PPARGC1B: variants seen among roughly 807,000 people sequenced by gnomAD.
The protein encoded by PPARGC1B is peroxisome proliferator-activated receptor gamma coactivator 1-beta.
PPARGC1B carries 34 observed loss-of-function variants against 101.6 expected under a neutral mutation model. The ratio of observed to expected loss-of-function variants is 0.33; its 90% CI spans 0.25 to 0.45. The LOEUF is 0.45. Ranked by LOEUF, PPARGC1B falls within the 20% of genes least tolerant of loss-of-function variation. The pLI is 1.00. For missense variants in PPARGC1B, 1,234 were observed against 1,317.6 expected (o/e 0.94, Z 0.98); for synonymous variants, 548 against 539.3 (o/e 1.02, Z -0.22).
At position 149,833,828 on chromosome 5, in the gene PPARGC1B, A is replaced by G. The variant is rs969709827; in HGVS notation, c.1705+50A>G. On this transcript the variant is annotated intron_variant, in intron 5 of 11. Coordinates refer to ENST00000309241, the MANE Select transcript of PPARGC1B (RefSeq NM_133263.4). The surrounding 1 kb of genome is among the most constrained non-coding windows in gnomAD (Gnocchi z 4.1). ...AGTGGGGGCAGGGATGGGGTGCAGCATGCCCCTCTGCACTGGGAGCCAGGA... is the reference window on the plus strand; with the variant it reads ...AGTGGGGGCAGGGATGGGGTGCAGCGTGCCCCTCTGCACTGGGAGCCAGGA... The G allele has an allele frequency of 7.6e-6, 11 of 1,443,278 alleles. No individual in the cohort carries two copies. Among genetic ancestry groups the G allele is most frequent in the Non-Finnish European group, 9.1e-6 (10 of 1,102,450 alleles). The allele number at this position is 1,443,278 out of a possible 1,614,324, so 89.4% of individuals were successfully genotyped here.
intron 1 of PPARGC1B, among the ~76,000 whole-genome samples, chr5:149,788,469 CTGT>C (rs1756891336): frequency 2.6e-5 from 4 of 152,216 alleles, no homozygotes; most frequent in Non-Finnish European, 5.9e-5. Flanking sequence ...CACTTTTACA[CTGT>C]TGGTGGGACT....
At chr5:149,840,944 A>G (rs1759310522) in intron 9 of PPARGC1B, among the ~76,000 whole-genome samples, 1 of 152,146 alleles carries the variant, frequency 6.6e-6, no homozygotes, top group African/African-American at 2.4e-5. Context: ...TGGACTGTGC[A>G]TGGAGCATCT....
intron 1 of PPARGC1B, among the ~76,000 whole-genome samples, chr5:149,791,489 A>G (rs954840270): frequency 5.3e-5 from 8 of 151,856 alleles, no homozygotes; most frequent in African/African-American, 1.9e-4. Flanking sequence ...TGAGCTCCCC[A>G]TCCCTGCAGG....
Position 149,840,088 on chromosome 5 carries a change from A to C in PPARGC1B, c.2666A>C (p.His889Pro). 1.2e-6 allele frequency: 2 copies of C among 1,613,982 alleles called. No individual in the cohort carries two copies. The highest frequency in any genetic ancestry group is 1.7e-6 in the Non-Finnish European group (2 of 1,179,928). ...TCAGACAGAACGCCAAGCATCCGGC[A>C]CGCCAGGAAGCGGCGGGAAAAGGCC... ...PCSDRTPSIRHARKRREKAIG... is the reference protein window; with the variant it reads ...PCSDRTPSIRPARKRREKAIG... Residue 889 changes from histidine to proline, a missense_variant, in exon 9 of 12, where the codon CAC (histidine) becomes CCC (proline). By Grantham distance (77) the His-to-Pro change is moderately conservative. Transcript: ENST00000309241.
chr5:149,743,592 A>G (rs1038071), intron 1 of PPARGC1B, among the ~76,000 whole-genome samples: 19,752 of 152,178 alleles, frequency 0.13, 1,478 homozygotes, highest in East Asian at 0.25. Context: ...GGATGACTGA[A>G]TGATGAACAA....
chr5:149,804,350 G>A (rs2113300378), intron 1 of PPARGC1B, among the ~76,000 whole-genome samples: 1 of 152,324 alleles, frequency 6.6e-6, no homozygotes, highest in Non-Finnish European at 1.5e-5. Context: ...AGAGGAGACG[G>A]ATGGTCCCTG....
At chr5:149,764,633 C>G (rs947280759) in intron 1 of PPARGC1B, among the ~76,000 whole-genome samples, 58 of 152,154 alleles carry the variant, frequency 3.8e-4, no homozygotes, top group African/African-American at 1.4e-3. Context: ...TGAGTTAACT[C>G]GGAGTCTTTT....
chr5:149,817,290 T>G (rs1758095082), intron 1 of PPARGC1B, among the ~76,000 whole-genome samples: 1 of 151,906 alleles, frequency 6.6e-6, no homozygotes. Flanking sequence ...CTGGGCAACA[T>G]AGAGAGACCC....
Position 149,840,074 on chromosome 5 carries a change from G to A in PPARGC1B, c.2652G>A (p.Thr884=), listed in dbSNP as rs753676851. 2.9e-5 allele frequency: 46 copies of A among 1,613,908 alleles called. No individual in the cohort carries two copies. In the East Asian group the frequency reaches 6.5e-4, roughly 23 times the overall value. The change falls in exon 9 of 12, where the codon ACG becomes ACA. Residue 884 remains threonine (T), a synonymous_variant. Coordinates refer to ENST00000309241, the MANE Select transcript of PPARGC1B (RefSeq NM_133263.4). ...GCAGAGGGCCGTGTTCAGACAGAAC[G>A]CCAAGCATCCGGCACGCCAGGAAGC... The part of the protein sequence containing the change: ...CESRGPCSDR[T]PSIRHARKRR...
At chr5:149,787,914 A>G (rs1756871385) in intron 1 of PPARGC1B, among the ~76,000 whole-genome samples, 1 of 152,246 alleles carries the variant, frequency 6.6e-6, no homozygotes, top group Admixed American at 6.5e-5. Context: ...CACCTTATAC[A>G]AAAATTAATT....
intron 1 of PPARGC1B, among the ~76,000 whole-genome samples, chr5:149,790,838 T>C (rs1247196839): frequency 1.3e-5 from 2 of 151,972 alleles, no homozygotes; most frequent in Non-Finnish European, 2.9e-5. Context: ...ATGGTTACTT[T>C]GTTACTTGGG....
intron 1 of PPARGC1B, among the ~76,000 whole-genome samples, chr5:149,800,367 A>G (rs1272979764): frequency 6.6e-6 from 1 of 152,202 alleles, no homozygotes; most frequent in East Asian, 1.9e-4. Context: ...CTAGAAAGAT[A>G]TCACCAAGAA....
intron 1 of PPARGC1B, among the ~76,000 whole-genome samples, chr5:149,747,034 A>G (rs1285781155): frequency 6.6e-6 from 1 of 152,162 alleles, no homozygotes; most frequent in Non-Finnish European, 1.5e-5. Flanking sequence ...ATTTTCTCCC[A>G]TTCTATGTGT....
chr5:149,767,124 T>G (rs1755938612), intron 1 of PPARGC1B, among the ~76,000 whole-genome samples: 1 of 152,194 alleles, frequency 6.6e-6, no homozygotes, highest in African/African-American at 2.4e-5. Flanking sequence ...ACAACAGTCC[T>G]CTTTCTGTAA....
chr5:149,834,546 T>G, intron 5 of PPARGC1B, 128 bp from the exon 6 acceptor site: 3 of 715,148 alleles, frequency 4.2e-6, no homozygotes, highest in East Asian at 2.6e-5. Context: ...GTGGCAGAGG[T>G]GTTTGGTCAC....
At chr5:149,760,248 G>T (rs1458144805) in intron 1 of PPARGC1B, among the ~76,000 whole-genome samples, 2 of 152,162 alleles carry the variant, frequency 1.3e-5, no homozygotes, top group Admixed American at 6.5e-5. Flanking sequence ...ACAGCAGAGG[G>T]CTCTGGGCAG....
At chr5:149,846,058 C>A in intron 11 of PPARGC1B, 144 bp downstream of exon 11, 1 of 955,884 alleles carries the variant, frequency 1.0e-6, no homozygotes, top group East Asian at 2.6e-5. Flanking sequence ...TATAACTTTG[C>A]AGCCACTTTG....
chr5:149,826,554 G>A (rs1441608705), intron 2 of PPARGC1B, 119 bp from the exon 3 acceptor site: 8 of 748,648 alleles, frequency 1.1e-5, no homozygotes, highest in Non-Finnish European at 1.9e-5. Flanking sequence ...TATGGCAGGA[G>A]GGTGTTGGTG....
chr5:149,743,168 T>C (rs1311860284), intron 1 of PPARGC1B, among the ~76,000 whole-genome samples: 1 of 150,944 alleles, frequency 6.6e-6, no homozygotes, highest in East Asian at 1.9e-4. Flanking sequence ...TTTTTTTTTT[T>C]TTTTTGAGAC....
Sources: allele counts gnomAD v4.1 joint callset (sites outside exome capture counted in the v4.1 genomes callset), GRCh38; gene constraint gnomAD v4.1.1; non-coding constraint Gnocchi (gnomAD v3.1); transcripts MANE v1.5; gene names NCBI Gene and HGNC (gene_info 2026-07-23, HGNC 2026-07-21).